Variants in ZNF582 observed in about 807,000 individuals in gnomAD.
ZNF582 encodes zinc finger protein 582.
ZNF582 carries 14 observed loss-of-function variants against 12.3 expected under a neutral mutation model. The observed-to-expected ratio is 1.14, with a 90% CI of 0.75 to 1.78. The LOEUF (loss-of-function observed/expected upper bound fraction) is 1.78, where lower values mean the gene tolerates loss of function less well. Among genes scored for constraint, ZNF582 ranks in the 40% most tolerant of loss-of-function variants. The probability of loss-of-function intolerance (pLI) is 0.00; values close to 1 mark genes in which losing one functional copy is unlikely to be tolerated. For synonymous variants in ZNF582, 210 were observed against 207.2 expected (o/e 1.01, Z -0.11); for missense variants, 567 against 616.5 (o/e 0.92, Z 0.85).
chr19:56,389,907 C>CCGTATCATTAAAAA, intron 4 of ZNF582, 94 bp downstream of exon 4: 7 of 960,150 alleles, frequency 7.3e-6, no homozygotes, highest in South Asian at 4.5e-5. Flanking sequence ...TTGAAGGTAG[C>CCGTATCATTAAAAA]AACCTGCAGG....
At chr19:56,391,120 C>T (rs1478696808) in intron 2 of ZNF582, among the ~76,000 whole-genome samples, 1 of 152,114 alleles carries the variant, frequency 6.6e-6, no homozygotes, top group Non-Finnish European at 1.5e-5. Context: ...TTTTGGATCC[C>T]GAGGTTGGAT....
At chr19:56,391,716 C>G in intron 2 of ZNF582, 28 bp downstream of exon 2, 4 of 1,603,662 alleles carry the variant, frequency 2.5e-6, no homozygotes, top group Non-Finnish European at 3.4e-6. Flanking sequence ...ATAAGGAAAG[C>G]AAATATTTAT....
exon 5 of ZNF582, chr19:56,385,142 T>C: frequency 6.2e-7 from 1 of 1,610,012 alleles, no homozygotes; most frequent in Non-Finnish European, 8.5e-7. Context: ...ATAAACATGC[T>C]GCTTTGGAAA....
chr19:56,390,298 T>C, intron 3 of ZNF582, 77 bp downstream of exon 3: 1 of 1,601,930 alleles, frequency 6.2e-7, no homozygotes, highest in Non-Finnish European at 8.5e-7. Flanking sequence ...ATCATAAGAC[T>C]GAAAAGCACC....
At chr19:56,386,076 A>G (rs1218570573) in intron 4 of ZNF582, 1 of 152,220 alleles carries the variant, frequency 6.6e-6, no homozygotes, top group Admixed American at 6.5e-5. Context: ...ACTGAACTGT[A>G]CACTTGAAAA....
chr19:56,387,538 TAAAA>T (rs374802711), intron 4 of ZNF582: 1 of 151,780 alleles, frequency 6.6e-6, no homozygotes, highest in African/African-American at 2.4e-5. Context: ...ACTGATGACT[TAAAA>T]AAAAACTATA....
chr19:56,384,425 G>C (rs1201174225), exon 5 of ZNF582: 3 of 1,597,308 alleles, frequency 1.9e-6, no homozygotes, highest in Non-Finnish European at 2.6e-6. Context: ...AGTATGAACA[G>C]TCTGATGTTG....
intron 4 of ZNF582, among the ~76,000 whole-genome samples, chr19:56,388,708 C>CT (rs1568786674): frequency 6.6e-6 from 1 of 152,144 alleles, no homozygotes; most frequent in African/African-American, 2.4e-5. Context: ...TCTCGGATCA[C>CT]TGCAATCTCC....
exon 5 of ZNF582, chr19:56,384,736 A>G (rs767179087): frequency 6.2e-7 from 1 of 1,608,626 alleles, no homozygotes; most frequent in Admixed American, 1.7e-5. Flanking sequence ...CCTTACATTC[A>G]TATGGTTTCT....
chr19:56,384,873 G>T, exon 5 of ZNF582: 1 of 1,611,248 alleles, frequency 6.2e-7, no homozygotes, highest in East Asian at 2.2e-5. Flanking sequence ...AGTTCCTTTT[G>T]CCAGAAGTCT....
chr19:56,383,843 A>C lies in ZNF582; in HGVS notation c.*20T>G, dbSNP rs778985641. ...AAGTCTTTCTCCAAGAGGGAGAAGT[A>C]AGTCACAGTCACAATTAGCCTAGGC... On this transcript the variant is annotated 3_prime_UTR_variant, in exon 5 of 5. Coordinates refer to ENST00000586929, the Ensembl canonical transcript of ZNF582. 21 of 1,524,310 alleles carry C rather than the reference A, an allele frequency of 1.4e-5. No homozygotes were observed. In the South Asian group the frequency reaches 1.6e-4, roughly 12 times the overall value. The allele number at this position is 1,524,310 out of a possible 1,614,324, so 94.4% of individuals were successfully genotyped here. A position where few individuals can be genotyped will look rare whatever the true frequency, so the allele number is the denominator to read the frequency against.
At chr19:56,390,197 G>T in intron 3 of ZNF582, 101 bp from the exon 4 acceptor site, 2 of 1,366,918 alleles carry the variant, frequency 1.5e-6, no homozygotes, top group Non-Finnish European at 2.1e-6. Flanking sequence ...TGCAGGAAGT[G>T]CCAGAGGAAG....
Position 56,386,025 on chromosome 19 carries a change from G to A in ZNF582, c.233-841C>T, listed in dbSNP as rs1304696665. Among the ~76,000 whole-genome samples the A allele has an allele frequency of 2.6e-5, 4 of 152,180 alleles. No individual in the cohort carries two copies. The East Asian group carries it at 5.8e-4, about 22-fold the overall frequency. ...GATGAAAAGAGTTCCGGAGATGGAC[G>A]GTGATGATGGTTGTACAACAGTGTG... On this transcript the variant is annotated intron_variant, in intron 4 of 4. Coordinates refer to ENST00000586929, the Ensembl canonical transcript of ZNF582.
chr19:56,390,398 G>A, exon 3 of ZNF582: 5 of 1,614,156 alleles, frequency 3.1e-6, no homozygotes, highest in Non-Finnish European at 2.5e-6. Flanking sequence ...GTTGCTGTAG[G>A]TCTCCAACAT....
At chr19:56,387,158 T>C (rs143290756) in intron 4 of ZNF582, among the ~76,000 whole-genome samples, 1 of 152,360 alleles carries the variant, frequency 6.6e-6, no homozygotes, top group African/African-American at 2.4e-5. Context: ...TTTATCTTAA[T>C]ATGGCTCTTT....
chr19:56,393,251 T>C (rs1484380016), exon 1 of ZNF582: 3 of 1,247,480 alleles, frequency 2.4e-6, no homozygotes, highest in Middle Eastern at 2.3e-4. Flanking sequence ...GCTATGAGGC[T>C]GGAAGCAGAA....
intron 4 of ZNF582, among the ~76,000 whole-genome samples, chr19:56,389,219 G>A (rs1183697712): frequency 1.3e-5 from 2 of 152,122 alleles, no homozygotes; most frequent in Admixed American, 1.3e-4. Flanking sequence ...TGAAAGCAAG[G>A]ATAATGTCCA....
intron 4 of ZNF582, chr19:56,387,508 C>G (rs977266451): frequency 6.6e-6 from 1 of 152,170 alleles, no homozygotes; most frequent in Non-Finnish European, 1.5e-5. Context: ...ACACAATCTG[C>G]ATTTTAGTTT....
chr19:56,385,699 G>A (rs2041960900), intron 4 of ZNF582, among the ~76,000 whole-genome samples: 1 of 151,784 alleles, frequency 6.6e-6, no homozygotes, highest in African/African-American at 2.4e-5. Flanking sequence ...AGTTGGTGTG[G>A]GTCAGAATCA....
Sources: allele counts gnomAD v4.1 joint callset (sites outside exome capture counted in the v4.1 genomes callset), GRCh38; gene constraint gnomAD v4.1.1; transcripts MANE v1.5; gene names NCBI Gene and HGNC (gene_info 2026-07-23, HGNC 2026-07-21).